Variants in PLCH1 observed in about 807,000 individuals in gnomAD.
PLCH1 encodes the protein phospholipase C eta 1.
In PLCH1, 60 loss-of-function variants were observed where a neutral mutation model predicts 126.7. The ratio of observed to expected loss-of-function variants is 0.47; its 90% CI spans 0.38 to 0.59. The LOEUF (loss-of-function observed/expected upper bound fraction) is 0.59. Ranked by LOEUF, PLCH1 falls within the 20% of genes least tolerant of loss-of-function variation. The probability of loss-of-function intolerance (pLI) is 0.00; values close to 1 mark genes in which losing one functional copy is unlikely to be tolerated. For synonymous variants in PLCH1, 719 were observed against 734.9 expected (o/e 0.98, Z 0.35); for missense variants, 1,723 against 2,040.0 (o/e 0.84, Z 2.99).
rs1054308160 is a variant in PLCH1, at chr3:155,488,719, T to C, written c.2480A>G (p.Asp827Gly). ...ALVRFLVWDH[D>G]PIGRDFVGQR... ...TCCAACAAAGTCTCGTCCAATGGGATCGTGATCCCACACAAGGAACCGAAC... is the reference window on the plus strand; with the variant it reads ...TCCAACAAAGTCTCGTCCAATGGGACCGTGATCCCACACAAGGAACCGAAC... The change falls in exon 20 of 23, where the codon GAT becomes GGT. Residue 827 changes from aspartate to glycine, a missense_variant. Physicochemically the swap from Asp to Gly is moderately conservative, Grantham distance 94. Around this residue, in one of 2 missense-constraint regions of PLCH1, gnomAD observed 776 missense variants for 1,062.9 expected, o/e 0.73. Coordinates refer to ENST00000460012, the MANE Select transcript of PLCH1 (RefSeq NM_014996.4). 1 of 1,613,966 alleles carries C rather than the reference T, an allele frequency of 6.2e-7. No individual in the cohort carries two copies.
chr3:155,500,778 C>T lies in PLCH1; in HGVS notation c.1721G>A (p.Arg574Gln), dbSNP rs770614121. The change falls in exon 14 of 23, where the codon CGG (arginine) becomes CAG (glutamine). Residue 574 changes from arginine to glutamine, a missense_variant. Coordinates refer to ENST00000460012, the MANE Select transcript of PLCH1 (RefSeq NM_014996.4). Reference protein sequence around the residue: ...FGKHKKTTKSRSKSYSTDDEE... With the variant: ...FGKHKKTTKSQSKSYSTDDEE... ...ATCATCAGTACTGTAAGATTTAGACCGTGATTTTGTAGTTTTCTGCCAGAA... is the reference window on the plus strand; with the variant it reads ...ATCATCAGTACTGTAAGATTTAGACTGTGATTTTGTAGTTTTCTGCCAGAA... 1.6e-5 allele frequency: 26 copies of T among 1,611,880 alleles called. No homozygotes were observed. The Admixed American group carries it at 2.7e-4, about 17-fold the overall frequency.
At chr3:155,739,107 A>T (rs1186290936) in intron 1 of PLCH1, among the ~76,000 whole-genome samples, 1 of 152,196 alleles carries the variant, frequency 6.6e-6, no homozygotes, top group African/African-American at 2.4e-5. Flanking sequence ...AGCCAGTTGC[A>T]ACTTCCCAGT....
At chr3:155,591,745 G>GT (rs1423483968) in intron 4 of PLCH1, among the ~76,000 whole-genome samples, 2 of 152,028 alleles carry the variant, frequency 1.3e-5, no homozygotes, top group Non-Finnish European at 2.9e-5. Context: ...TTTTTTGTTA[G>GT]TTTTTTGTTT....
intron 2 of PLCH1, among the ~76,000 whole-genome samples, chr3:155,624,127 T>C (rs1416363279): frequency 6.6e-6 from 1 of 152,016 alleles, no homozygotes; most frequent in African/African-American, 2.4e-5. Context: ...ATCCATCACA[T>C]AAACAGAACC....
chr3:155,467,152 C>G (rs1478413460), intron 21 of PLCH1, among the ~76,000 whole-genome samples: 1 of 151,750 alleles, frequency 6.6e-6, no homozygotes, highest in Non-Finnish European at 1.5e-5. Flanking sequence ...GGTTATAGAA[C>G]ACCAAGCAGA....
chr3:155,550,234 T>C (rs983857501), intron 9 of PLCH1, among the ~76,000 whole-genome samples: 3 of 152,204 alleles, frequency 2.0e-5, no homozygotes, highest in African/African-American at 7.2e-5. Flanking sequence ...ATGGTAGATA[T>C]ATTATGTTTC....
chr3:155,608,474 A>G (rs1275759814), intron 2 of PLCH1, among the ~76,000 whole-genome samples: 1 of 152,156 alleles, frequency 6.6e-6, no homozygotes, highest in African/African-American at 2.4e-5. Flanking sequence ...GACTGCCTGC[A>G]TATAAACTGC....
At chr3:155,742,807 C>T (rs1749724490) in intron 1 of PLCH1, 2 of 153,410 alleles carry the variant, frequency 1.3e-5, no homozygotes, top group African/African-American at 4.8e-5. Flanking sequence ...ATGTTACTCG[C>T]TAATCATTTG....
At chr3:155,527,360 G>A (rs1346654560) in intron 10 of PLCH1, among the ~76,000 whole-genome samples, 1 of 152,098 alleles carries the variant, frequency 6.6e-6, no homozygotes, top group Non-Finnish European at 1.5e-5. Context: ...ACCCCTTTCA[G>A]AATTCTGGAT....
chr3:155,710,444 GA>G (rs907265902), intron 1 of PLCH1, among the ~76,000 whole-genome samples: 12 of 151,954 alleles, frequency 7.9e-5, no homozygotes, highest in East Asian at 1.9e-4. Flanking sequence ...GCTTATCAAT[GA>G]AAAAAAATTA....
intron 2 of PLCH1, among the ~76,000 whole-genome samples, chr3:155,659,969 G>C (rs182425732): frequency 6.6e-6 from 1 of 152,240 alleles, no homozygotes; most frequent in African/African-American, 2.4e-5. Flanking sequence ...AACATCAGTC[G>C]ATCATTAGAA....
chr3:155,679,981 G>A (rs188979478), intron 2 of PLCH1, among the ~76,000 whole-genome samples: 29 of 152,150 alleles, frequency 1.9e-4, no homozygotes, highest in African/African-American at 6.7e-4. Flanking sequence ...GCCTGATATC[G>A]AAATTCCTCA....
chr3:155,481,420 C>T lies in PLCH1; in HGVS notation c.4606G>A (p.Glu1536Lys), dbSNP rs772341906. 56 of 1,614,064 alleles carry T rather than the reference C, an allele frequency of 3.5e-5. No individual in the cohort carries two copies. In the South Asian group the frequency reaches 5.4e-4, roughly 16 times the overall value. ...AAGGACACAAGCTTCCGAAGCTGCT[C>T]GGTCAGGGCATCTATAGGCTCTAAC... Reference protein sequence around the residue: ...KSLEPIDALTEQLRKLVSFDQ... With the variant: ...KSLEPIDALTKQLRKLVSFDQ... Residue 1536 changes from glutamate (E) to lysine (K), a missense_variant, in exon 23 of 23, where the codon GAG becomes AAG. This residue lies in a region of PLCH1 where 947 missense variants were observed against 977.1 expected (regional missense o/e 0.97). Transcript: ENST00000460012. The surrounding 1 kb of genome is among the most constrained non-coding windows in gnomAD (Gnocchi z 4.2).
chr3:155,557,676 G>A (rs1727005663), intron 8 of PLCH1, among the ~76,000 whole-genome samples: 1 of 152,142 alleles, frequency 6.6e-6, no homozygotes, highest in South Asian at 2.1e-4. Context: ...TGGCAAGGTA[G>A]AAATCCTCTG....
At chr3:155,527,432 G>A (rs1174479721) in intron 10 of PLCH1, among the ~76,000 whole-genome samples, 1 of 152,152 alleles carries the variant, frequency 6.6e-6, no homozygotes, top group Non-Finnish European at 1.5e-5. Context: ...TCGGAGAAAT[G>A]TCTTTCTCAG....
chr3:155,483,133 C>A (rs1429970626), intron 22 of PLCH1, 82 bp from the exon 23 acceptor site: 6 of 1,245,912 alleles, frequency 4.8e-6, no homozygotes, highest in African/African-American at 1.5e-5. Flanking sequence ...TTCGGACAGA[C>A]AAATGGAGAA....
intron 2 of PLCH1, among the ~76,000 whole-genome samples, chr3:155,674,159 A>C (rs1262000911): frequency 6.6e-6 from 1 of 152,200 alleles, no homozygotes; most frequent in Non-Finnish European, 1.5e-5. Context: ...TTTATGTTGC[A>C]GTTCAGGTCC....
chr3:155,611,711 T>C (rs981407362), intron 2 of PLCH1, among the ~76,000 whole-genome samples: 2 of 152,192 alleles, frequency 1.3e-5, no homozygotes, highest in African/African-American at 4.8e-5. Context: ...CTGCAAAATA[T>C]GCATTTTTTT....
intron 2 of PLCH1, among the ~76,000 whole-genome samples, chr3:155,662,799 G>A (rs1742316644): frequency 6.6e-6 from 1 of 152,052 alleles, no homozygotes; most frequent in Non-Finnish European, 1.5e-5. Context: ...AAGTAGCTGG[G>A]ATTACAGGCG....
Sources: allele counts gnomAD v4.1 joint callset (sites outside exome capture counted in the v4.1 genomes callset), GRCh38; gene constraint gnomAD v4.1.1; regional missense constraint gnomAD v4.1.1; non-coding constraint Gnocchi (gnomAD v3.1); transcripts MANE v1.5; gene names NCBI Gene and HGNC (gene_info 2026-07-23, HGNC 2026-07-21).